Variants in PCSK2 observed in about 807,000 individuals in gnomAD.
PCSK2 encodes proprotein convertase subtilisin/kexin type 2.
In PCSK2, 14 loss-of-function variants were observed where a neutral mutation model predicts 69.7. The observed-to-expected ratio is 0.20, with a 90% CI of 0.13 to 0.31. The LOEUF is 0.31. Among genes scored for constraint, PCSK2 ranks in the 10% least tolerant of loss-of-function variants. PCSK2 has a pLI of 1.00. For missense variants in PCSK2, 544 were observed against 842.5 expected, an observed-to-expected ratio of 0.65 and a Z score of 4.39; for synonymous variants, 307 against 320.7, an observed-to-expected ratio of 0.96 and a Z score of 0.46.
chr20:17,447,120 A>C (rs1482934348), intron 8 of PCSK2, among the ~76,000 whole-genome samples: 1 of 151,888 alleles, frequency 6.6e-6, no homozygotes, highest in Non-Finnish European at 1.5e-5. Context: ...GAAAAATAAA[A>C]ATTGGCTGGG....
chr20:17,428,313 G>A (rs754124509), intron 6 of PCSK2, among the ~76,000 whole-genome samples: 5 of 152,146 alleles, frequency 3.3e-5, no homozygotes, highest in East Asian at 1.9e-4. Flanking sequence ...CATGATAGGC[G>A]GGTTTCATTC....
At chr20:17,422,275 T>C (rs1483303180) in intron 6 of PCSK2, among the ~76,000 whole-genome samples, 6 of 152,194 alleles carry the variant, frequency 3.9e-5, no homozygotes, top group Admixed American at 6.5e-5. Context: ...ATTCTCTAAG[T>C]CTGACAAGAT....
Position 17,436,705 on chromosome 20 carries a change from C to A in PCSK2, c.710-3C>A. 1 of 1,610,500 alleles carries A rather than the reference C, an allele frequency of 6.2e-7. No homozygotes were observed. Among genetic ancestry groups the A allele is most frequent in the Non-Finnish European group, 8.5e-7 (1 of 1,178,124 alleles). On this transcript the variant is annotated splice_polypyrimidine_tract_variant and splice_region_variant and intron_variant, in intron 7 of 11. Transcript: ENST00000262545. The stretch of plus-strand genomic sequence containing the variant: ...TGGTGTCCTCTGCTCAACGTGTCCA[C>A]AGGCATCCGGATGCTGGACCAGCCA...
intron 5 of PCSK2, among the ~76,000 whole-genome samples, chr20:17,391,900 GA>G (rs1568630634): frequency 3.0e-5 from 4 of 132,930 alleles, no homozygotes; most frequent in East Asian, 4.2e-4. Flanking sequence ...GAGAGAGAAA[GA>G]GAGAGAGGAA....
chr20:17,248,069 T>C (rs551439728), intron 1 of PCSK2, among the ~76,000 whole-genome samples: 1 of 152,304 alleles, frequency 6.6e-6, no homozygotes, highest in South Asian at 2.1e-4. Flanking sequence ...AGCCTGAATC[T>C]TCAAGCTGAC....
intron 1 of PCSK2, among the ~76,000 whole-genome samples, chr20:17,253,582 A>G (rs1987071534): frequency 6.6e-6 from 1 of 152,194 alleles, no homozygotes; most frequent in African/African-American, 2.4e-5. Flanking sequence ...TTGTACATAT[A>G]TATCATTTTG....
At position 17,227,275 on chromosome 20, in the gene PCSK2, TC is replaced by T. The variant is rs747160634; in HGVS notation, c.-29del. Reference sequence around the variant, plus strand: ...CCCCTGCTCCGCCAGCCTGCGCGCCTCCTAGCACCACTTTTCACTCCCAAAG... The same window carrying T: ...CCCCTGCTCCGCCAGCCTGCGCGCCTCTAGCACCACTTTTCACTCCCAAAG... On this transcript the variant is annotated 5_prime_UTR_variant, in exon 1 of 12. Coordinates refer to ENST00000262545, the MANE Select transcript of PCSK2 (RefSeq NM_002594.5). 1 of 1,598,578 alleles carries T rather than the reference TC, an allele frequency of 6.3e-7. No homozygotes were observed. Among genetic ancestry groups the T allele is most frequent in the South Asian group, 1.1e-5 (1 of 90,712 alleles).
chr20:17,482,342 GAAAA>G lies in PCSK2; in HGVS notation c.*290_*293del, dbSNP rs11472008. 1.0e-3 allele frequency: 109 copies of G among 106,520 alleles called. No individual in the cohort carries two copies. The highest frequency in any genetic ancestry group is 3.4e-3 in the Admixed American group (30 of 8,718). The allele number at this position is 106,520 out of a possible 1,614,324, so 6.6% of individuals were successfully genotyped here. ...CTGTCATTCAAATGGGTGATATCCTGAAAAAAAAAAAAAAAAAAAAACTGGGACA... is the reference window on the plus strand; with the variant it reads ...CTGTCATTCAAATGGGTGATATCCTGAAAAAAAAAAAAAAAAACTGGGACA... On this transcript the variant is annotated 3_prime_UTR_variant, in exon 12 of 12. Coordinates refer to ENST00000262545, the MANE Select transcript of PCSK2 (RefSeq NM_002594.5).
chr20:17,382,632 G>C (rs181667626), intron 5 of PCSK2, among the ~76,000 whole-genome samples: 1 of 152,170 alleles, frequency 6.6e-6, no homozygotes, highest in African/African-American at 2.4e-5. Context: ...CTGGCATCCT[G>C]GACCAAGCCA....
At chr20:17,402,500 G>A (rs1045901905) in intron 5 of PCSK2, among the ~76,000 whole-genome samples, 13 of 151,660 alleles carry the variant, frequency 8.6e-5, no homozygotes, top group African/African-American at 2.4e-4. Context: ...GCAAAACCCC[G>A]TCTCTACTAA....
chr20:17,325,927 C>T (rs1990036862), intron 2 of PCSK2, among the ~76,000 whole-genome samples: 1 of 152,250 alleles, frequency 6.6e-6, no homozygotes, highest in South Asian at 2.1e-4. Context: ...TGGGCTAGCC[C>T]AAGTATGTTT....
chr20:17,275,944 T>A (rs1487738007), intron 2 of PCSK2, among the ~76,000 whole-genome samples: 1 of 152,116 alleles, frequency 6.6e-6, no homozygotes, highest in Non-Finnish European at 1.5e-5. Flanking sequence ...CAACCACATC[T>A]ATACAATGTG....
At chr20:17,232,533 G>A (rs992904616) in intron 1 of PCSK2, among the ~76,000 whole-genome samples, 1 of 152,222 alleles carries the variant, frequency 6.6e-6, no homozygotes, top group Non-Finnish European at 1.5e-5. Flanking sequence ...CTTTTGGGTT[G>A]TCCATCTTCA....
intron 1 of PCSK2, among the ~76,000 whole-genome samples, chr20:17,246,653 G>A (rs962597556): frequency 5.3e-5 from 8 of 151,612 alleles, no homozygotes; most frequent in African/African-American, 1.7e-4. Flanking sequence ...GAAGTTAGTT[G>A]GGTCCAACGC....
At chr20:17,372,212 T>C (rs1756082992) in intron 5 of PCSK2, among the ~76,000 whole-genome samples, 1 of 151,970 alleles carries the variant, frequency 6.6e-6, no homozygotes, top group Non-Finnish European at 1.5e-5. Flanking sequence ...ACCCCGTCTC[T>C]ACTAAAAATA....
rs2031559520 is a variant in PCSK2 at position 17,398,339 on chromosome 20, A to G, written c.544-10924A>G. Reference sequence around the variant, plus strand: ...CAGGAATTTGAGACCAGCCTGGGCAACACAGTGAAACTCTGTCTTTACAAT... The same window carrying G: ...CAGGAATTTGAGACCAGCCTGGGCAGCACAGTGAAACTCTGTCTTTACAAT... On this transcript the variant is annotated intron_variant, in intron 5 of 11. Transcript: ENST00000262545. Among the ~76,000 whole-genome samples the G allele has an allele frequency of 2.6e-5, 4 of 152,032 alleles. No homozygotes were observed. The South Asian group carries it at 8.3e-4, about 32-fold the overall frequency.
At chr20:17,398,077 G>A (rs1353017439) in intron 5 of PCSK2, among the ~76,000 whole-genome samples, 1 of 152,186 alleles carries the variant, frequency 6.6e-6, no homozygotes, top group East Asian at 1.9e-4. Context: ...CTGCCAAGAT[G>A]TCGATGGTTT....
chr20:17,261,293 G>C (rs770575424), intron 2 of PCSK2, among the ~76,000 whole-genome samples: 1 of 152,200 alleles, frequency 6.6e-6, no homozygotes, highest in African/African-American at 2.4e-5. Context: ...TCAGATGTTT[G>C]AGTTAAGGAC....
chr20:17,438,432 T>G (rs529876867), intron 8 of PCSK2, among the ~76,000 whole-genome samples: 1 of 152,352 alleles, frequency 6.6e-6, no homozygotes, highest in African/African-American at 2.4e-5. Context: ...CATACATTTC[T>G]TGAGGTCAGA....
Sources: allele counts gnomAD v4.1 joint callset (sites outside exome capture counted in the v4.1 genomes callset), GRCh38; gene constraint gnomAD v4.1.1; transcripts MANE v1.5; gene names NCBI Gene and HGNC (gene_info 2026-07-23, HGNC 2026-07-21).